The following SLC35F4 variants were observed in gnomAD, a reference collection of about 807,000 sequenced individuals.
SLC35F4 encodes the protein chromosome 14 open reading frame 36.
A neutral mutation model predicts 44.2 loss-of-function variants in SLC35F4; 24 were observed. The ratio of observed to expected loss-of-function variants is 0.54; its 90% CI spans 0.39 to 0.76. The LOEUF (loss-of-function observed/expected upper bound fraction) is 0.76, where lower values mean the gene tolerates loss of function less well. SLC35F4 is among the 30% of genes least tolerant of loss of function. The probability of loss-of-function intolerance (pLI) is 0.00; values close to 1 mark genes in which losing one functional copy is unlikely to be tolerated. For synonymous variants in SLC35F4, 238 were observed against 223.6 expected, an observed-to-expected ratio of 1.06 and a Z score of -0.57; for missense variants, 562 against 586.1, an observed-to-expected ratio of 0.96 and a Z score of 0.42.
At chr14:57,567,786 A>G (rs763009221) in intron 6 of SLC35F4, among the ~76,000 whole-genome samples, 4 of 152,242 alleles carry the variant, frequency 2.6e-5, no homozygotes, top group Non-Finnish European at 5.9e-5. Context: ...TATGGGGCCT[A>G]GCCTGAGTTT....
chr14:57,779,947 G>A (rs1168644272), intron 1 of SLC35F4, among the ~76,000 whole-genome samples: 1 of 152,068 alleles, frequency 6.6e-6, no homozygotes, highest in Non-Finnish European at 1.5e-5. Context: ...AATAATAACA[G>A]CCATTTATGA....
chr14:57,682,418 C>G (rs1343537846), intron 1 of SLC35F4, among the ~76,000 whole-genome samples: 3 of 152,124 alleles, frequency 2.0e-5, no homozygotes, highest in Non-Finnish European at 4.4e-5. Context: ...ACTGCATGTT[C>G]TCACTCATAA....
chr14:57,627,418 G>A (rs1436501463), intron 1 of SLC35F4, among the ~76,000 whole-genome samples: 1 of 152,072 alleles, frequency 6.6e-6, no homozygotes, highest in Non-Finnish European at 1.5e-5. Flanking sequence ...ACGCTGTCTA[G>A]CAAAGACATT....
intron 1 of SLC35F4, among the ~76,000 whole-genome samples, chr14:57,680,275 C>T (rs1045307373): frequency 2.6e-5 from 4 of 152,096 alleles, no homozygotes; most frequent in Non-Finnish European, 5.9e-5. Context: ...ACAAAAACCA[C>T]ATGATTATCT....
chr14:57,679,876 A>T (rs10148437), intron 1 of SLC35F4, among the ~76,000 whole-genome samples: 1 of 151,756 alleles, frequency 6.6e-6, no homozygotes, highest in Non-Finnish European at 1.5e-5. Context: ...ATTGAGGCAG[A>T]AATTAATAGC....
intron 1 of SLC35F4, among the ~76,000 whole-genome samples, chr14:57,810,990 A>G (rs1881903510): frequency 6.6e-6 from 1 of 152,230 alleles, no homozygotes; most frequent in Non-Finnish European, 1.5e-5. Flanking sequence ...AGTTTTTGAG[A>G]CAATAAATAA....
intron 1 of SLC35F4, among the ~76,000 whole-genome samples, chr14:57,690,267 T>C (rs2075192303): frequency 6.6e-6 from 1 of 152,156 alleles, no homozygotes; most frequent in African/African-American, 2.4e-5. Context: ...ACGAATACAG[T>C]AGCAAATAAG....
At chr14:57,957,061 T>C (rs1203972974) in intron 1 of SLC35F4, among the ~76,000 whole-genome samples, 1 of 152,120 alleles carries the variant, frequency 6.6e-6, no homozygotes, top group African/African-American at 2.4e-5. Flanking sequence ...CAATGATATA[T>C]TGGATAAAGA....
At chr14:57,824,492 C>G (rs993352917) in intron 1 of SLC35F4, among the ~76,000 whole-genome samples, 2 of 152,138 alleles carry the variant, frequency 1.3e-5, no homozygotes, top group Non-Finnish European at 2.9e-5. Flanking sequence ...GATTGATAAA[C>G]AGATGATAGA....
At chr14:57,585,702 C>G (rs891697896) in intron 3 of SLC35F4, among the ~76,000 whole-genome samples, 1 of 151,916 alleles carries the variant, frequency 6.6e-6, no homozygotes, top group Admixed American at 6.6e-5. Context: ...CCAGTAATAG[C>G]CAAATCATGA....
chr14:57,802,974 G>C (rs572272232), intron 1 of SLC35F4, among the ~76,000 whole-genome samples: 4 of 135,606 alleles, frequency 2.9e-5, no homozygotes, highest in African/African-American at 1.2e-4. Context: ...ACCACAACTT[G>C]GCAGAGATAC....
intron 1 of SLC35F4, among the ~76,000 whole-genome samples, chr14:57,700,836 G>T (rs7153789): frequency 6.6e-6 from 1 of 152,106 alleles, no homozygotes; most frequent in African/African-American, 2.4e-5. Context: ...GCCTAGGGAG[G>T]CAGGTGCTGC....
In SLC35F4 at chr14:57,699,143, G is replaced by A. The variant is rs1163681203; in HGVS notation, c.104-105019C>T. 4.6e-5 allele frequency among the ~76,000 whole-genome samples: 7 copies of A among 152,246 alleles called. No homozygotes were observed. The East Asian group carries it at 7.7e-4, about 17-fold the overall frequency. ...TTTTATGAAATGAAAATGTTTAATA[G>A]CATATAGAATACACAGAAAGAAATT... is the stretch of plus-strand genomic sequence containing the variant. On this transcript the variant is annotated intron_variant, in intron 1 of 7. Transcript: ENST00000556826.
At chr14:57,826,777 T>C (rs910965808) in intron 1 of SLC35F4, among the ~76,000 whole-genome samples, 3 of 152,002 alleles carry the variant, frequency 2.0e-5, no homozygotes, top group African/African-American at 7.2e-5. Flanking sequence ...TCACTAATTA[T>C]TAAAGAAATG....
At chr14:57,915,135 C>T (rs1384249620) in intron 1 of SLC35F4, among the ~76,000 whole-genome samples, 1 of 152,166 alleles carries the variant, frequency 6.6e-6, no homozygotes, top group Non-Finnish European at 1.5e-5. Flanking sequence ...CCACTCGAAC[C>T]ATAGCTGGGG....
chr14:57,651,637 A>G (rs17803157), intron 1 of SLC35F4, among the ~76,000 whole-genome samples: 10,623 of 152,158 alleles, frequency 0.07, 472 homozygotes, highest in South Asian at 0.096. Context: ...AGACAGGAAC[A>G]GGGTGGAGCT....
At chr14:57,807,168 C>A (rs1383457347) in intron 1 of SLC35F4, among the ~76,000 whole-genome samples, 1 of 152,192 alleles carries the variant, frequency 6.6e-6, no homozygotes, top group Admixed American at 6.5e-5. Context: ...AGAAGAGTGA[C>A]AAATAGGATT....
At chr14:57,771,786 A>T (rs2077370679) in intron 1 of SLC35F4, among the ~76,000 whole-genome samples, 1 of 152,120 alleles carries the variant, frequency 6.6e-6, no homozygotes. Flanking sequence ...GAGAAACAGG[A>T]TCTTTCTGTG....
chr14:57,726,758 G>A (rs2076214093), intron 1 of SLC35F4, among the ~76,000 whole-genome samples: 1 of 152,172 alleles, frequency 6.6e-6, no homozygotes, highest in Non-Finnish European at 1.5e-5. Flanking sequence ...GTGTCAACTT[G>A]ATTGGACTGA....
Sources: allele counts gnomAD v4.1 joint callset (sites outside exome capture counted in the v4.1 genomes callset), GRCh38; gene constraint gnomAD v4.1.1; transcripts MANE v1.5; gene names NCBI Gene and HGNC (gene_info 2026-07-23, HGNC 2026-07-21).